TCF12: variants seen among roughly 807,000 people sequenced by gnomAD.
The protein encoded by TCF12 is DNA-binding protein HTF4.
In TCF12, 45 loss-of-function variants were observed where a neutral mutation model predicts 86.0. The ratio of observed to expected loss-of-function variants is 0.52; its 90% CI spans 0.41 to 0.67. The LOEUF (loss-of-function observed/expected upper bound fraction) is 0.67. TCF12 is among the 30% of genes least tolerant of loss of function. TCF12 has a pLI of 0.00. For synonymous variants in TCF12, 330 were observed against 299.6 expected, an observed-to-expected ratio of 1.10 and a Z score of -1.05; for missense variants, 881 against 859.9, an observed-to-expected ratio of 1.02 and a Z score of -0.31.
At chr15:57,242,227 T>C (rs2059665613) in intron 12 of TCF12, among the ~76,000 whole-genome samples, 1 of 152,174 alleles carries the variant, frequency 6.6e-6, no homozygotes, top group South Asian at 2.1e-4. Context: ...TCACAAGTAG[T>C]TTTCCTTTTT....
At chr15:57,249,805 T>A (rs931119355) in intron 13 of TCF12, among the ~76,000 whole-genome samples, 1 of 152,156 alleles carries the variant, frequency 6.6e-6, no homozygotes, top group Non-Finnish European at 1.5e-5. Context: ...CACTGAAGCT[T>A]TTATTAAGAA....
intron 3 of TCF12, among the ~76,000 whole-genome samples, chr15:57,030,067 T>A (rs1410213640): frequency 1.0e-5 from 1 of 100,192 alleles, no homozygotes; most frequent in East Asian, 3.1e-4. Flanking sequence ...AACATAAGTT[T>A]TCATTTCTAG....
chr15:57,226,142 C>T (rs1487063376), intron 8 of TCF12, among the ~76,000 whole-genome samples: 2 of 150,102 alleles, frequency 1.3e-5, no homozygotes, highest in African/African-American at 4.9e-5. Flanking sequence ...GTCTTAATTA[C>T]AGTTTTTTAA....
chr15:57,084,888 A>G (rs995922170), intron 4 of TCF12, among the ~76,000 whole-genome samples: 1 of 152,156 alleles, frequency 6.6e-6, no homozygotes, highest in Non-Finnish European at 1.5e-5. Context: ...AAGTTAGTAC[A>G]TTAATTTAGA....
At chr15:57,010,643 A>G (rs1205088182) in intron 3 of TCF12, among the ~76,000 whole-genome samples, 3 of 152,166 alleles carry the variant, frequency 2.0e-5, no homozygotes, top group African/African-American at 7.2e-5. Flanking sequence ...AGCAAAAATA[A>G]GGAAAATTGT....
chr15:57,126,675 T>C lies in TCF12; in HGVS notation c.325+34784T>C, dbSNP rs546415375. On this transcript the variant is annotated intron_variant, in intron 5 of 20. Transcript: ENST00000333725. Reference sequence around the variant, plus strand: ...CTAAACCAGCCTGCATCTACCAATCTTGGTTTACTACCAATCTTGCTTTAT... The same window carrying C: ...CTAAACCAGCCTGCATCTACCAATCCTGGTTTACTACCAATCTTGCTTTAT... Among the ~76,000 whole-genome samples the C allele has an allele frequency of 3.3e-5, 5 of 152,336 alleles. No homozygotes were observed. The East Asian group carries it at 9.7e-4, about 29-fold the overall frequency.
At chr15:57,158,227 T>G (rs1182298805) in intron 5 of TCF12, among the ~76,000 whole-genome samples, 1 of 148,164 alleles carries the variant, frequency 6.7e-6, no homozygotes, top group South Asian at 2.3e-4. Flanking sequence ...CTCACTCTGT[T>G]GCTTAGGCTG....
intron 5 of TCF12, among the ~76,000 whole-genome samples, chr15:57,163,800 T>G (rs2054664348): frequency 6.6e-6 from 1 of 152,208 alleles, no homozygotes; most frequent in South Asian, 2.1e-4. Flanking sequence ...CAGCCTTCCC[T>G]GCATGTAATC....
intron 3 of TCF12, among the ~76,000 whole-genome samples, chr15:56,963,027 CTTTTTTTTTT>C (rs532973260): frequency 1.0e-5 from 1 of 96,238 alleles, no homozygotes; most frequent in Non-Finnish European, 2.2e-5. Flanking sequence ...GTGTTAAGGT[CTTTTTTTTTT>C]TTTTTTTTTT....
intron 3 of TCF12, among the ~76,000 whole-genome samples, chr15:57,018,997 T>C (rs1002229206): frequency 7.7e-4 from 118 of 152,276 alleles, no homozygotes; most frequent in African/African-American, 2.7e-3. Flanking sequence ...TAAATTGACT[T>C]TAAATTGAAT....
intron 3 of TCF12, among the ~76,000 whole-genome samples, chr15:57,014,082 A>G (rs1375814205): frequency 6.6e-6 from 1 of 152,136 alleles, no homozygotes; most frequent in Non-Finnish European, 1.5e-5. Flanking sequence ...GTCACGTTGC[A>G]TGGGTTCCTG....
At chr15:57,223,051 C>G (rs775012649) in intron 8 of TCF12, among the ~76,000 whole-genome samples, 2 of 151,860 alleles carry the variant, frequency 1.3e-5, no homozygotes, top group Non-Finnish European at 2.9e-5. Context: ...AAAAAAGAAA[C>G]TAATTTGATT....
chr15:57,175,780 C>T (rs1179844975), intron 6 of TCF12, among the ~76,000 whole-genome samples: 2 of 152,134 alleles, frequency 1.3e-5, no homozygotes, highest in African/African-American at 2.4e-5. Flanking sequence ...TGAAGAGCAT[C>T]TTTTAAGTGT....
At chr15:56,956,725 T>G (rs548066526) in intron 3 of TCF12, among the ~76,000 whole-genome samples, 65 of 152,332 alleles carry the variant, frequency 4.3e-4, no homozygotes, top group Non-Finnish European at 7.2e-4. Flanking sequence ...TTTTGTAATA[T>G]CCAGTGAGAA....
At chr15:57,132,212 T>C (rs2052181029) in intron 5 of TCF12, among the ~76,000 whole-genome samples, 1 of 152,224 alleles carries the variant, frequency 6.6e-6, no homozygotes, top group Non-Finnish European at 1.5e-5. Context: ...ACTAGATTTC[T>C]TTCCCAAAGG....
chr15:57,003,263 A>G (rs1437636937), intron 3 of TCF12, among the ~76,000 whole-genome samples: 1 of 152,200 alleles, frequency 6.6e-6, no homozygotes, highest in African/African-American at 2.4e-5. Flanking sequence ...CACTGCTCCT[A>G]GGGGAAATAC....
chr15:57,007,808 TTC>T (rs1379637905), intron 3 of TCF12, among the ~76,000 whole-genome samples: 5 of 125,450 alleles, frequency 4.0e-5, no homozygotes, highest in Middle Eastern at 4.4e-3. Context: ...CTTTCTTTCT[TTC>T]TTTCTTTCTT....
At chr15:57,177,607 C>CGAGAGAGAGA (rs1567572655) in intron 6 of TCF12, among the ~76,000 whole-genome samples, 2 of 5,000 alleles carry the variant, frequency 4.0e-4, no homozygotes, top group African/African-American at 4.5e-4. Context: ...TGTTAAAAGG[C>CGAGAGAGAGA]CAGAGAGAGA....
Position 56,981,589 on chromosome 15 carries a change from T to C in TCF12, c.148+60491T>C, listed in dbSNP as rs866624399. On this transcript the variant is annotated intron_variant, in intron 3 of 20. Transcript: ENST00000333725. ...AAAAACACTCAAACCATAACACTTA[T>C]ATACAATTGGTCTTTGAACAACATG... 5.3e-5 allele frequency among the ~76,000 whole-genome samples: 8 copies of C among 152,164 alleles called. No homozygotes were observed. In the South Asian group the frequency reaches 1.2e-3, roughly 24 times the overall value.
Sources: gnomAD v4.1 joint callset for allele counts (sites outside exome capture counted in the v4.1 genomes callset) on GRCh38, gnomAD v4.1.1 for gene constraint, MANE v1.5 for transcripts, NCBI Gene and HGNC (gene_info 2026-07-23, HGNC 2026-07-21) for gene names.